The following RBFOX1 variants were observed in gnomAD, a reference collection of about 807,000 sequenced individuals.
The protein encoded by RBFOX1 is RNA binding protein fox-1 homolog 1.
A neutral mutation model predicts 57.7 loss-of-function variants in RBFOX1; 8 were observed. That is an observed-to-expected ratio of 0.14 (90% CI 0.08 to 0.25). RBFOX1 has a LOEUF of 0.25. Among genes scored for constraint, RBFOX1 ranks in the 10% least tolerant of loss-of-function variants. The pLI, the probability that RBFOX1 is intolerant of heterozygous loss-of-function variation, is 1.00. For synonymous variants in RBFOX1, 326 were observed against 222.4 expected, an observed-to-expected ratio of 1.47 and a Z score of -4.15; for missense variants, 611 against 548.5, an observed-to-expected ratio of 1.11 and a Z score of -1.14.
chr16:5,265,024 A>G (rs534071883), intron 1 of RBFOX1, among the ~76,000 whole-genome samples: 6 of 152,196 alleles, frequency 3.9e-5, no homozygotes, highest in Non-Finnish European at 8.8e-5. Flanking sequence ...GTGTGTGTAA[A>G]ACTGGTAGTT....
intron 2 of RBFOX1, among the ~76,000 whole-genome samples, chr16:5,569,121 A>C (rs1204533549): frequency 6.6e-6 from 1 of 151,278 alleles, no homozygotes; most frequent in Non-Finnish European, 1.5e-5. Context: ...AAGTGCTGGG[A>C]TTACAGGCGT....
intron 1 of RBFOX1, among the ~76,000 whole-genome samples, chr16:5,437,524 A>T (rs544815251): frequency 1.1e-4 from 16 of 152,284 alleles, no homozygotes; most frequent in African/African-American, 3.9e-4. Context: ...TGCATATCCA[A>T]CCATAGATGA....
intron 2 of RBFOX1, among the ~76,000 whole-genome samples, chr16:5,475,253 T>C (rs1363917987): frequency 6.6e-6 from 1 of 152,238 alleles, no homozygotes. Context: ...TGTTCTTTGC[T>C]CTGTAGAGTC....
intron 3 of RBFOX1, among the ~76,000 whole-genome samples, chr16:6,666,721 C>T (rs2098735388): frequency 6.6e-6 from 1 of 152,090 alleles, no homozygotes; most frequent in African/African-American, 2.4e-5. Context: ...TGCTCAGGGC[C>T]TGACACACAG....
At chr16:7,305,171 G>A (rs1267954504) in intron 4 of RBFOX1, among the ~76,000 whole-genome samples, 1 of 151,890 alleles carries the variant, frequency 6.6e-6, no homozygotes, top group African/African-American at 2.4e-5. Context: ...TCTCCTTAGT[G>A]GTCTTGCTGA....
At chr16:6,051,383 A>G (rs1280417314) in intron 1 of RBFOX1, among the ~76,000 whole-genome samples, 1 of 152,108 alleles carries the variant, frequency 6.6e-6, no homozygotes, top group Non-Finnish European at 1.5e-5. Flanking sequence ...GCTGGAGTAC[A>G]GCAGCATGAT....
intron 4 of RBFOX1, among the ~76,000 whole-genome samples, chr16:5,892,263 A>G (rs1031833288): frequency 2.0e-5 from 3 of 152,132 alleles, no homozygotes; most frequent in African/African-American, 7.2e-5. Flanking sequence ...GGCGGGGTTG[A>G]GGGGAGACCA....
intron 4 of RBFOX1, among the ~76,000 whole-genome samples, chr16:7,267,853 C>G (rs1330985399): frequency 6.6e-6 from 1 of 152,148 alleles, no homozygotes; most frequent in Non-Finnish European, 1.5e-5. Context: ...GAGACCCTGT[C>G]TCAAAAATTA....
intron 2 of RBFOX1, among the ~76,000 whole-genome samples, chr16:6,623,709 C>A (rs2098267177): frequency 1.3e-5 from 2 of 152,098 alleles, no homozygotes; most frequent in East Asian, 3.9e-4. Flanking sequence ...GTTTTTTGTC[C>A]TTGCGATAGT....
chr16:6,998,070 A>G (rs1379716232), intron 3 of RBFOX1, among the ~76,000 whole-genome samples: 2 of 152,118 alleles, frequency 1.3e-5, no homozygotes, highest in African/African-American at 4.8e-5. Flanking sequence ...TTTAGAAAAA[A>G]TATAGATATA....
intron 3 of RBFOX1, among the ~76,000 whole-genome samples, chr16:5,861,267 G>C (rs1449179558): frequency 6.6e-6 from 1 of 152,148 alleles, no homozygotes; most frequent in Non-Finnish European, 1.5e-5. Flanking sequence ...TACACGGTTG[G>C]CTACATGCTT....
chr16:7,532,475 C>T (rs921886515), intron 5 of RBFOX1, among the ~76,000 whole-genome samples: 1 of 152,118 alleles, frequency 6.6e-6, no homozygotes, highest in Non-Finnish European at 1.5e-5. Flanking sequence ...ACAGAGAAGA[C>T]CAGAGGGGAC....
At chr16:6,626,156 T>C (rs543129022) in intron 2 of RBFOX1, among the ~76,000 whole-genome samples, 26 of 151,430 alleles carry the variant, frequency 1.7e-4, no homozygotes, top group South Asian at 4.2e-4. Flanking sequence ...TTTTTTTTTT[T>C]CCCAAATTGC....
chr16:6,312,946 A>G (rs1567912703), intron 1 of RBFOX1, among the ~76,000 whole-genome samples: 1 of 152,162 alleles, frequency 6.6e-6, no homozygotes, highest in East Asian at 1.9e-4. Context: ...TTTTTCTAAT[A>G]ATTTTTAATT....
intron 3 of RBFOX1, among the ~76,000 whole-genome samples, chr16:6,911,887 T>G (rs150390079): frequency 2.2e-4 from 34 of 152,324 alleles, no homozygotes; most frequent in African/African-American, 5.3e-4. Context: ...ATAGTACAGG[T>G]GGTCTTCAGA....
rs1353225428 is a variant in RBFOX1, at chr16:7,455,798, A to G, written c.28-62349A>G. On this transcript the variant is annotated intron_variant, in intron 4 of 15. Coordinates refer to ENST00000550418, the MANE Select transcript of RBFOX1 (RefSeq NM_018723.4). ...GAGACTCCATCTCAAAAAAAAAAAA[A>G]AAAGAAAAAAAAGAAAAAAAAAACT... 3.3e-5 allele frequency among the ~76,000 whole-genome samples: 5 copies of G among 150,962 alleles called. No individual in the cohort carries two copies. In the East Asian group the frequency reaches 7.8e-4, roughly 23 times the overall value.
chr16:5,693,622 G>A (rs1267795856), intron 3 of RBFOX1, among the ~76,000 whole-genome samples: 2 of 152,168 alleles, frequency 1.3e-5, no homozygotes, highest in East Asian at 1.9e-4. Context: ...ATGGATTTCA[G>A]TGTGGGTGTT....
At chr16:5,959,137 A>G (rs999459215) in intron 4 of RBFOX1, among the ~76,000 whole-genome samples, 42 of 152,344 alleles carry the variant, frequency 2.8e-4, no homozygotes, top group African/African-American at 8.9e-4. Flanking sequence ...TAAGGAGGTC[A>G]AGGACAGACT....
chr16:5,565,658 AAATAAAT>A (rs1567236362), intron 2 of RBFOX1, among the ~76,000 whole-genome samples: 2 of 151,760 alleles, frequency 1.3e-5, no homozygotes, highest in African/African-American at 4.8e-5. Context: ...ATAAATAAAT[AAATAAAT>A]AAATAATTTG....
Sources: allele counts gnomAD v4.1 joint callset (sites outside exome capture counted in the v4.1 genomes callset), GRCh38; gene constraint gnomAD v4.1.1; transcripts MANE v1.5; gene names NCBI Gene and HGNC (gene_info 2026-07-23, HGNC 2026-07-21).